The following HIPK1 variants were observed in gnomAD, a reference collection of about 807,000 sequenced individuals.
HIPK1 encodes the protein homeodomain interacting protein kinase 1.
HIPK1 carries 28 observed loss-of-function variants against 117.1 expected under a neutral mutation model. The ratio of observed to expected loss-of-function variants is 0.24; its 90% CI spans 0.18 to 0.33. HIPK1 has a LOEUF of 0.33. Ranked by LOEUF, HIPK1 falls within the 10% of genes least tolerant of loss-of-function variation. The pLI is 1.00. For missense variants in HIPK1, 1,122 were observed against 1,475.1 expected (o/e 0.76, Z 3.92); for synonymous variants, 605 against 562.5 (o/e 1.08, Z -1.07).
At chr1:113,952,327 A>G (rs1671424059) in intron 2 of HIPK1, among the ~76,000 whole-genome samples, 1 of 151,940 alleles carries the variant, frequency 6.6e-6, no homozygotes, top group South Asian at 2.1e-4. Context: ...CTTATCTGTG[A>G]TTGCAAAATT....
Position 113,977,730 on chromosome 1 carries a change from AGTATTTTCT to A in HIPK1, c.*4219_*4227del, listed in dbSNP as rs1229524446. 6.5e-6 allele frequency: 1 copy of A among 152,714 alleles called. No homozygotes were observed. Among genetic ancestry groups the A allele is most frequent in the African/African-American group, 2.4e-5 (1 of 41,456 alleles). The allele number at this position is 152,714 out of a possible 1,614,324, so 9.5% of individuals were successfully genotyped here. On this transcript the variant is annotated 3_prime_UTR_variant, in exon 16 of 16. Coordinates refer to ENST00000426820, the MANE Select transcript of HIPK1 (RefSeq NM_198268.3). Reference sequence around the variant, plus strand: ...GTTTTACAAAGTAGCTTGTATTTTCAGTATTTTCTACATAATATGGTAAAATGTAGAGCA... The same window carrying A: ...GTTTTACAAAGTAGCTTGTATTTTCAACATAATATGGTAAAATGTAGAGCA...
intron 9 of HIPK1, among the ~76,000 whole-genome samples, chr1:113,962,839 CTTT>C (rs1311857129): frequency 6.6e-6 from 1 of 152,110 alleles, no homozygotes; most frequent in South Asian, 2.1e-4. Flanking sequence ...TTTGCTCACT[CTTT>C]TAGAATTTCA....
At chr1:113,943,202 A>G (rs1670764117) in intron 2 of HIPK1, among the ~76,000 whole-genome samples, 1 of 152,246 alleles carries the variant, frequency 6.6e-6, no homozygotes, top group South Asian at 2.1e-4. Flanking sequence ...AAGTATATTC[A>G]CAATGTTGTG....
At chr1:113,963,349 C>T (rs368154403) in intron 9 of HIPK1, 38 bp from the exon 10 acceptor site, 7 of 1,607,332 alleles carry the variant, frequency 4.4e-6, no homozygotes, top group African/African-American at 2.7e-5. Flanking sequence ...ATCCTGCCTC[C>T]GTGTTTGTTT....
intron 15 of HIPK1, among the ~76,000 whole-genome samples, chr1:113,972,314 A>G (rs531912762): frequency 5.3e-5 from 8 of 152,288 alleles, no homozygotes; most frequent in Admixed American, 1.3e-4. Flanking sequence ...TGATCCTTAC[A>G]TTGTTTACTT....
chr1:113,972,862 AG>A (rs1255472019), intron 15 of HIPK1, among the ~76,000 whole-genome samples, 161 bp from the exon 16 acceptor site: 3 of 152,252 alleles, frequency 2.0e-5, no homozygotes, highest in Non-Finnish European at 4.4e-5. Context: ...AGGCAGAAGG[AG>A]GGGTGGCTGA....
intron 1 of HIPK1, among the ~76,000 whole-genome samples, chr1:113,936,228 C>A (rs921019902): frequency 2.6e-5 from 4 of 152,094 alleles, no homozygotes; most frequent in Non-Finnish European, 5.9e-5. Flanking sequence ...TGGGGAAGAC[C>A]AGTGAAAGAA....
At chr1:113,946,108 C>T (rs1347184217) in intron 2 of HIPK1, among the ~76,000 whole-genome samples, 1 of 152,144 alleles carries the variant, frequency 6.6e-6, no homozygotes. Context: ...ATGTCATCTC[C>T]ATTTATTTAT....
intron 1 of HIPK1, among the ~76,000 whole-genome samples, chr1:113,935,233 T>G (rs1670177979): frequency 6.6e-6 from 1 of 152,102 alleles, no homozygotes; most frequent in Non-Finnish European, 1.5e-5. Context: ...TTTGTGTCCA[T>G]GTGTTCTCGT....
At chr1:113,946,298 A>T (rs1056087139) in intron 2 of HIPK1, among the ~76,000 whole-genome samples, 1 of 152,202 alleles carries the variant, frequency 6.6e-6, no homozygotes, top group Non-Finnish European at 1.5e-5. Context: ...CCACAGCTGA[A>T]GGAAGAGGGC....
rs1284322474 is a variant in HIPK1, at chr1:113,963,431, A to G, written c.2148A>G (p.Val716=). 2.5e-6 allele frequency: 4 copies of G among 1,614,106 alleles called. No individual in the cohort carries two copies. The highest frequency in any genetic ancestry group is 3.4e-6 in the Non-Finnish European group (4 of 1,180,032). The change falls in exon 10 of 16, where the codon GTA becomes GTG. Residue 716 remains valine (V), a synonymous_variant. Coordinates refer to ENST00000426820, the MANE Select transcript of HIPK1 (RefSeq NM_198268.3). ...TGGTAGCAACTCTCCACCCTCAAGT[A>G]GCCACCATCACACCGCAGTATGCGG... ...PLMVATLHPQ[V]ATITPQYAVP...
At chr1:113,968,682 T>G in intron 13 of HIPK1, 34 bp downstream of exon 13, 2 of 1,565,320 alleles carry the variant, frequency 1.3e-6, no homozygotes, top group Non-Finnish European at 1.8e-6. Flanking sequence ...GCTCTATTGG[T>G]TTTAGACTGT....
At chr1:113,932,391 T>A (rs925114994) in intron 1 of HIPK1, among the ~76,000 whole-genome samples, 4 of 149,156 alleles carry the variant, frequency 2.7e-5, no homozygotes, top group Admixed American at 6.6e-5. Context: ...TTTTTTTTTT[T>A]ATTTGAGACA....
chr1:113,949,538 A>G (rs931589539), intron 2 of HIPK1, among the ~76,000 whole-genome samples: 2 of 152,062 alleles, frequency 1.3e-5, no homozygotes, highest in African/African-American at 4.8e-5. Context: ...TTCCATCAGT[A>G]ATATGTGCCT....
In HIPK1 at chr1:113,976,003, T is replaced by C. The variant is rs1558155084; in HGVS notation, c.*2491T>C. The C allele has an allele frequency of 6.6e-6, 1 of 152,552 alleles. No individual in the cohort carries two copies. The highest frequency in any genetic ancestry group is 1.5e-5 in the Non-Finnish European group (1 of 68,016). The allele number at this position is 152,552 out of a possible 1,614,324, so 9.4% of individuals were successfully genotyped here. ...AATTTTAGGACTGGTTCTGTGTAGA[T>C]AGAGATGGTGTCAAGGAGGTGCAGG... is the stretch of plus-strand genomic sequence containing the variant. On this transcript the variant is annotated 3_prime_UTR_variant, in exon 16 of 16. Coordinates refer to ENST00000426820, the MANE Select transcript of HIPK1 (RefSeq NM_198268.3).
At position 113,963,533 on chromosome 1, in the gene HIPK1, C is replaced by T; in HGVS notation, c.2238+12C>T. The T allele has an allele frequency of 6.2e-7, 1 of 1,602,070 alleles. No individual in the cohort carries two copies. Among genetic ancestry groups the T allele is most frequent in the Non-Finnish European group, 8.5e-7 (1 of 1,176,060 alleles). On this transcript the variant is annotated intron_variant, in intron 10 of 15. Coordinates refer to ENST00000426820, the MANE Select transcript of HIPK1 (RefSeq NM_198268.3). ...CTGCCGCTGTACTGGTAATTCCCCT[C>T]ACTTGATTGTGTTACTAACGGAGTT...
At chr1:113,966,357 A>G (rs1672447163) in intron 11 of HIPK1, 85 bp downstream of exon 11, 1 of 1,255,368 alleles carries the variant, frequency 8.0e-7, no homozygotes, top group Admixed American at 2.8e-5. Context: ...AGAGACTAGT[A>G]AGAAAATAAA....
intron 2 of HIPK1, chr1:113,951,147 A>G: frequency 1.2e-6 from 1 of 804,466 alleles, no homozygotes. Flanking sequence ...CATGGCACAT[A>G]GTAGGCAATA....
chr1:113,933,165 T>A (rs1362103769), intron 1 of HIPK1: 1 of 984,642 alleles, frequency 1.0e-6, no homozygotes, highest in Non-Finnish European at 1.2e-6. Flanking sequence ...CTAAGTGAAC[T>A]ATTGATTTTG....
Sources: allele counts gnomAD v4.1 joint callset (sites outside exome capture counted in the v4.1 genomes callset), GRCh38; gene constraint gnomAD v4.1.1; transcripts MANE v1.5; gene names NCBI Gene and HGNC (gene_info 2026-07-23, HGNC 2026-07-21).